Variants in NAALADL2 observed in about 807,000 individuals in gnomAD.
The protein encoded by NAALADL2 is inactive N-acetylated-alpha-linked acidic dipeptidase-like protein 2.
NAALADL2 carries 76 observed loss-of-function variants against 87.2 expected under a neutral mutation model. That is an observed-to-expected ratio of 0.87 (90% CI 0.72 to 1.05). The LOEUF is 1.05. Ranked by LOEUF, NAALADL2 falls within the 50% of genes least tolerant of loss-of-function variation. The probability of loss-of-function intolerance (pLI) is 0.00; values close to 1 mark genes in which losing one functional copy is unlikely to be tolerated. For missense variants in NAALADL2, 1,089 were observed against 945.8 expected (o/e 1.15, Z -1.99); for synonymous variants, 354 against 331.0 (o/e 1.07, Z -0.75).
chr3:175,091,294 C>T (rs1156294993), intron 1 of NAALADL2, among the ~76,000 whole-genome samples: 1 of 152,030 alleles, frequency 6.6e-6, no homozygotes, highest in Non-Finnish European at 1.5e-5. Context: ...TGATGATGCC[C>T]TGACATTTCT....
intron 3 of NAALADL2, among the ~76,000 whole-genome samples, chr3:174,812,390 G>T (rs1720315202): frequency 6.6e-6 from 1 of 152,134 alleles, no homozygotes; most frequent in African/African-American, 2.4e-5. Context: ...TGATGCTGGT[G>T]TAAACAAACT....
chr3:175,203,417 A>C (rs549896156), intron 2 of NAALADL2, among the ~76,000 whole-genome samples: 182 of 152,282 alleles, frequency 1.2e-3, no homozygotes, highest in Non-Finnish European at 2.1e-3. Flanking sequence ...CAGTTATTGC[A>C]GTGGGGGGAT....
intron 9 of NAALADL2, among the ~76,000 whole-genome samples, chr3:175,573,055 ATTAAAC>A (rs1184118683): frequency 6.6e-6 from 1 of 152,212 alleles, no homozygotes; most frequent in Non-Finnish European, 1.5e-5. Context: ...AATATCAAAT[ATTAAAC>A]TTAAATGCAA....
chr3:175,255,844 G>A (rs946761250), intron 3 of NAALADL2, among the ~76,000 whole-genome samples: 3 of 152,152 alleles, frequency 2.0e-5, no homozygotes, highest in Non-Finnish European at 4.4e-5. Context: ...AAAGTCCTGG[G>A]TTGCTAGACT....
intron 1 of NAALADL2, among the ~76,000 whole-genome samples, chr3:174,456,507 G>T (rs934783151): frequency 6.6e-6 from 1 of 151,278 alleles, no homozygotes; most frequent in Non-Finnish European, 1.5e-5. Context: ...CATGGCACTG[G>T]TACAAACCCA....
chr3:175,475,697 G>A (rs749236607), intron 9 of NAALADL2, among the ~76,000 whole-genome samples: 14 of 152,072 alleles, frequency 9.2e-5, no homozygotes, highest in Non-Finnish European at 1.9e-4. Flanking sequence ...AAACTTTGCA[G>A]GGGACAGACA....
intron 3 of NAALADL2, among the ~76,000 whole-genome samples, chr3:174,746,775 C>CT (rs1734302854): frequency 1.3e-5 from 2 of 152,100 alleles, no homozygotes; most frequent in Non-Finnish European, 2.9e-5. Context: ...AATAAGACCA[C>CT]CTATCTACAA....
At chr3:175,020,123 G>C (rs1751382249) in intron 1 of NAALADL2, among the ~76,000 whole-genome samples, 1 of 152,092 alleles carries the variant, frequency 6.6e-6, no homozygotes, top group African/African-American at 2.4e-5. Context: ...AGAGCATTTA[G>C]TGTTCAGGGA....
At chr3:175,005,658 GT>G (rs1560466095) in intron 1 of NAALADL2, among the ~76,000 whole-genome samples, 1 of 152,180 alleles carries the variant, frequency 6.6e-6, no homozygotes, top group Admixed American at 6.5e-5. Flanking sequence ...ATTATGAAAT[GT>G]GACTGAATGT....
At chr3:174,869,762 A>G (rs60576755) in intron 1 of NAALADL2, among the ~76,000 whole-genome samples, 25,024 of 152,018 alleles carry the variant, frequency 0.16, 2,531 homozygotes, top group African/African-American at 0.27. Flanking sequence ...TTGGGAGGCC[A>G]AGACGTATGG....
rs1185888984 is a variant in NAALADL2 at position 175,449,394 on chromosome 3, CT to C, written c.1234+2041del. On this transcript the variant is annotated intron_variant, in intron 6 of 13. Transcript: ENST00000454872. ...TGCCTGGCCTAACATTAATTTTCTT[CT>C]TTTTTTTTTTTTTTTTTTGAGACAG... Among the ~76,000 whole-genome samples the C allele has an allele frequency of 1.9e-3, 93 of 48,556 alleles. 1 individual carries two copies. The highest frequency in any genetic ancestry group is 3.9e-3 in the Admixed American group (14 of 3,586). 31.9% of individuals were successfully genotyped at this position (48,556 alleles called of 152,430 possible). A position where few individuals can be genotyped will look rare whatever the true frequency, so the allele number is the denominator to read the frequency against.
rs1754934415 is a variant in NAALADL2 at position 175,808,978 on chromosome 3, C to T, written c.*5775C>T. 1 of 151,860 alleles carries T rather than the reference C, an allele frequency of 6.6e-6. No individual in the cohort carries two copies. Among genetic ancestry groups the T allele is most frequent in the Non-Finnish European group, 1.5e-5 (1 of 67,936 alleles). The allele number at this position is 151,860 out of a possible 1,614,324, so 9.4% of individuals were successfully genotyped here. A position where few individuals can be genotyped will look rare whatever the true frequency, so the allele number is the denominator to read the frequency against. ...AGGGCCTTTATTCAATATGTTACCA[C>T]TCATATGGTCATTACTTGGTAAGTG... On this transcript the variant is annotated 3_prime_UTR_variant, in exon 14 of 14. Coordinates refer to ENST00000454872, the MANE Select transcript of NAALADL2 (RefSeq NM_207015.3).
At chr3:175,243,945 G>A (rs76486093) in intron 3 of NAALADL2, among the ~76,000 whole-genome samples, 1,827 of 152,122 alleles carry the variant, frequency 0.012, 37 homozygotes, top group African/African-American at 0.042. Flanking sequence ...CTGGCTCCTG[G>A]AATATTTTGC....
intron 9 of NAALADL2, among the ~76,000 whole-genome samples, chr3:175,540,620 G>GA (rs1712146724): frequency 1.3e-5 from 2 of 152,234 alleles, no homozygotes; most frequent in South Asian, 4.1e-4. Context: ...AGGCCAGATA[G>GA]AAGGCCATTG....
At chr3:174,776,314 G>A (rs963054128) in intron 3 of NAALADL2, among the ~76,000 whole-genome samples, 1 of 152,084 alleles carries the variant, frequency 6.6e-6, no homozygotes, top group African/African-American at 2.4e-5. Flanking sequence ...TATACGATCT[G>A]GGTAATGATA....
At chr3:175,670,204 AG>A (rs1733749744) in intron 11 of NAALADL2, among the ~76,000 whole-genome samples, 1 of 151,882 alleles carries the variant, frequency 6.6e-6, no homozygotes, top group Non-Finnish European at 1.5e-5. Context: ...ATTTGAATCC[AG>A]GCAATCTGGC....
At chr3:174,696,911 T>C (rs1002656215) in intron 2 of NAALADL2, among the ~76,000 whole-genome samples, 1 of 152,158 alleles carries the variant, frequency 6.6e-6, no homozygotes, top group Admixed American at 6.5e-5. Flanking sequence ...TGCTTAATTC[T>C]GGTTCAACAA....
intron 2 of NAALADL2, among the ~76,000 whole-genome samples, chr3:174,596,350 C>T (rs1004252730): frequency 6.6e-6 from 1 of 152,130 alleles, no homozygotes; most frequent in African/African-American, 2.4e-5. Context: ...TCTTCTCTCA[C>T]CCAATTTTAT....
At chr3:175,689,775 G>A (rs1469535741) in intron 11 of NAALADL2, among the ~76,000 whole-genome samples, 2 of 152,040 alleles carry the variant, frequency 1.3e-5, no homozygotes, top group African/African-American at 4.8e-5. Context: ...TCTTCAAAAT[G>A]TCCACCAGCT....
Sources: gnomAD v4.1 joint callset for allele counts (sites outside exome capture counted in the v4.1 genomes callset) on GRCh38, gnomAD v4.1.1 for gene constraint, MANE v1.5 for transcripts, NCBI Gene and HGNC (gene_info 2026-07-23, HGNC 2026-07-21) for gene names.